GRAMD1B: variants seen among roughly 807,000 people sequenced by gnomAD.
GRAMD1B encodes the protein protein Aster-B.
A neutral mutation model predicts 99.7 loss-of-function variants in GRAMD1B; 37 were observed. That is an observed-to-expected ratio of 0.37 (90% CI 0.29 to 0.49). GRAMD1B has a LOEUF of 0.49. Among genes scored for constraint, GRAMD1B ranks in the 20% least tolerant of loss-of-function variants. The pLI, the probability that GRAMD1B is intolerant of heterozygous loss-of-function variation, is 0.98. For missense variants in GRAMD1B, 888 were observed against 1,009.2 expected (o/e 0.88, Z 1.63); for synonymous variants, 427 against 387.6 (o/e 1.10, Z -1.19).
chr11:123,467,416 T>TTTTTTTTTTTA (rs1555127430), intron 1 of GRAMD1B, among the ~76,000 whole-genome samples: 1 of 139,362 alleles, frequency 7.2e-6, no homozygotes, highest in Non-Finnish European at 1.5e-5. Context: ...TTTTTTTTTT[T>TTTTTTTTTTTA]ACTGACTTTC....
intron 2 of GRAMD1B, among the ~76,000 whole-genome samples, chr11:123,502,791 A>T (rs1016161140): frequency 6.6e-6 from 1 of 151,558 alleles, no homozygotes; most frequent in African/African-American, 2.4e-5. Context: ...AAAAAAAAAA[A>T]AAGAAAGAAA....
chr11:123,611,271 GA>G (rs1036562548), intron 14 of GRAMD1B, among the ~76,000 whole-genome samples: 4 of 151,560 alleles, frequency 2.6e-5, no homozygotes, highest in African/African-American at 7.3e-5. Context: ...CCCTGTGTCT[GA>G]AAAAAAATAA....
intron 1 of GRAMD1B, among the ~76,000 whole-genome samples, chr11:123,394,961 C>T (rs1017275176): frequency 2.0e-5 from 3 of 152,192 alleles, no homozygotes; most frequent in African/African-American, 4.8e-5. Flanking sequence ...ATACCAATCC[C>T]ACCCATGGTG....
intron 1 of GRAMD1B, chr11:123,460,397 G>C (rs1950353259): frequency 6.6e-6 from 1 of 151,918 alleles, no homozygotes; most frequent in Non-Finnish European, 1.5e-5. Context: ...TTATGTTCTT[G>C]TCCAAGTTCA....
intron 2 of GRAMD1B, among the ~76,000 whole-genome samples, chr11:123,487,112 C>T (rs1239271479): frequency 6.6e-6 from 1 of 152,194 alleles, no homozygotes; most frequent in Non-Finnish European, 1.5e-5. Context: ...TTACTCTGTG[C>T]TTAAACCTGT....
chr11:123,393,529 A>C (rs773125000), intron 1 of GRAMD1B, among the ~76,000 whole-genome samples: 4 of 152,194 alleles, frequency 2.6e-5, no homozygotes, highest in Non-Finnish European at 4.4e-5. Flanking sequence ...GCACACTCAC[A>C]GAGATGGCTA....
chr11:123,363,746 G>A (rs1946226746), intron 1 of GRAMD1B, among the ~76,000 whole-genome samples: 1 of 152,178 alleles, frequency 6.6e-6, no homozygotes, highest in Non-Finnish European at 1.5e-5. Flanking sequence ...TGTTGGCCTG[G>A]TTAGGGAAGC....
chr11:123,613,719 C>T, intron 16 of GRAMD1B, 61 bp downstream of exon 16: 1 of 1,183,704 alleles, frequency 8.4e-7, no homozygotes, highest in Non-Finnish European at 1.2e-6. Context: ...TGCATGCCCA[C>T]ACCAAGGCAC....
At chr11:123,443,430 GTTTTACACA>G (rs1949499055) in intron 1 of GRAMD1B, among the ~76,000 whole-genome samples, 1 of 152,182 alleles carries the variant, frequency 6.6e-6, no homozygotes, top group Non-Finnish European at 1.5e-5. Flanking sequence ...TTACAGCTTG[GTTTTACACA>G]TTTTAGGGTG....
At chr11:123,594,225 A>AGAGGC in intron 5 of GRAMD1B, 59 bp downstream of exon 5, 1 of 1,190,624 alleles carries the variant, frequency 8.4e-7, no homozygotes. Flanking sequence ...CCGGCATAGC[A>AGAGGC]CTCAGGGTGC....
intron 2 of GRAMD1B, among the ~76,000 whole-genome samples, chr11:123,551,335 G>A (rs1565361650): frequency 6.6e-6 from 1 of 152,224 alleles, no homozygotes; most frequent in Non-Finnish European, 1.5e-5. Flanking sequence ...CAGGCAGCTG[G>A]GGAGATGAGT....
At chr11:123,527,510 A>G (rs555292242) in intron 2 of GRAMD1B, among the ~76,000 whole-genome samples, 2 of 152,162 alleles carry the variant, frequency 1.3e-5, no homozygotes, top group South Asian at 2.1e-4. Flanking sequence ...CTTTTCCTCA[A>G]GCTTTGCTAT....
chr11:123,586,220 G>A (rs1452173400), intron 4 of GRAMD1B, among the ~76,000 whole-genome samples: 4 of 152,166 alleles, frequency 2.6e-5, no homozygotes, highest in African/African-American at 7.2e-5. Context: ...GAGAGCCAGC[G>A]GAGGAGCTGG....
At chr11:123,393,317 T>C (rs1947344954) in intron 1 of GRAMD1B, among the ~76,000 whole-genome samples, 1 of 152,260 alleles carries the variant, frequency 6.6e-6, no homozygotes, top group Non-Finnish European at 1.5e-5. Context: ...ATGTCTATTA[T>C]ATGTTTCCAC....
Position 123,399,367 on chromosome 11 carries a change from C to T in GRAMD1B, c.-176+40568C>T, listed in dbSNP as rs59383310. ...AATAGTGTTATTCATGTTATTCATGCTATTGTGAATAGTGCTGCAATGAAC... is the reference window on the plus strand; with the variant it reads ...AATAGTGTTATTCATGTTATTCATGTTATTGTGAATAGTGCTGCAATGAAC... On this transcript the variant is annotated intron_variant, in intron 1 of 20. Transcript: ENST00000638157. 8.0e-3 allele frequency among the ~76,000 whole-genome samples: 1,225 copies of T among 152,296 alleles called. 17 individuals are homozygous for T. Among genetic ancestry groups the T allele is most frequent in the African/African-American group, 0.028 (1,168 of 41,570 alleles).
chr11:123,408,955 T>C (rs183183802), intron 1 of GRAMD1B, among the ~76,000 whole-genome samples: 1 of 152,262 alleles, frequency 6.6e-6, no homozygotes, highest in South Asian at 2.1e-4. Flanking sequence ...CTAGATGCCA[T>C]AGGACAAGAA....
chr11:123,462,849 C>A (rs149581903), intron 1 of GRAMD1B, among the ~76,000 whole-genome samples: 1 of 142,506 alleles, frequency 7.0e-6, no homozygotes, highest in Non-Finnish European at 1.5e-5. Flanking sequence ...CCAAATCCCC[C>A]TCTGTGAGAA....
At chr11:123,392,108 C>T (rs898206853) in intron 1 of GRAMD1B, among the ~76,000 whole-genome samples, 2 of 151,948 alleles carry the variant, frequency 1.3e-5, no homozygotes, top group Admixed American at 6.6e-5. Context: ...GTGGGAACAG[C>T]GAAGACAATG....
intron 1 of GRAMD1B, among the ~76,000 whole-genome samples, chr11:123,474,434 A>T (rs1951165538): frequency 6.6e-6 from 1 of 152,204 alleles, no homozygotes; most frequent in African/African-American, 2.4e-5. Context: ...CATATCCTGA[A>T]CTCAGATACT....
Sources: allele counts gnomAD v4.1 joint callset (sites outside exome capture counted in the v4.1 genomes callset), GRCh38; gene constraint gnomAD v4.1.1; transcripts MANE v1.5; gene names NCBI Gene and HGNC (gene_info 2026-07-23, HGNC 2026-07-21).